The following C11orf71 variants were observed in gnomAD, a reference collection of about 807,000 sequenced individuals.
The protein encoded by C11orf71 is chromosome 11 open reading frame 71, also known as uncharacterized protein C11orf71.
For missense variants in C11orf71, 179 were observed against 167.6 expected, an observed-to-expected ratio of 1.07 and a Z score of -0.38; for synonymous variants, 72 against 73.4, an observed-to-expected ratio of 0.98 and a Z score of 0.09.
chr11:114,394,262 CTTTTCT>C (rs1565256674), downstream of C11orf71, among the ~76,000 whole-genome samples: 168 of 65,018 alleles, frequency 2.6e-3, no homozygotes, highest in Middle Eastern at 7.0e-3. Context: ...CTTTTCTTTT[CTTTTCT>C]TTTCTTTTCT....
rs775916604 is a variant in C11orf71, at chr11:114,400,381, G to A, written c.-50C>T. 10 of 1,532,060 alleles carry A rather than the reference G, an allele frequency of 6.5e-6. No individual in the cohort carries two copies. Among genetic ancestry groups the A allele is most frequent in the South Asian group, 5.1e-5 (4 of 78,452 alleles). 94.9% of individuals were successfully genotyped at this position (1,532,060 alleles called of 1,614,324 possible). On this transcript the variant is annotated 5_prime_UTR_variant, in exon 1 of 1. Coordinates refer to ENST00000623205, the MANE Select transcript of C11orf71 (RefSeq NM_001271562.2). ...GCGTTACGTCCCTTTGTGAAGGCAG[G>A]CCCTTCGCGGCTCCCCAGATCAGTC... is the stretch of plus-strand genomic sequence containing the variant.
chr11:114,394,219 T>TTTCCTTTCCTTTCC (rs1565256453), downstream of C11orf71, among the ~76,000 whole-genome samples: 6 of 41,130 alleles, frequency 1.5e-4, no homozygotes, highest in Non-Finnish European at 2.7e-4. Context: ...TTTTCTTTTC[T>TTTCCTTTCCTTTCC]TTTCTTTTCT....
downstream of C11orf71, among the ~76,000 whole-genome samples, chr11:114,394,056 T>C (rs541906317): frequency 1.2e-3 from 175 of 152,090 alleles, no homozygotes; most frequent in Non-Finnish European, 2.0e-3. Flanking sequence ...CTAGGCTCCC[T>C]GCAAGCTCCG....
chr11:114,394,272 C>CTTTTCTTTTCTTTTCTTTTCTTTTCTTTT (rs1946109669), downstream of C11orf71, among the ~76,000 whole-genome samples: 1 of 64,570 alleles, frequency 1.5e-5, no homozygotes, highest in East Asian at 5.3e-4. Flanking sequence ...CTTTTCTTTT[C>CTTTTCTTTTCTTTTCTTTTCTTTTCTTTT]TTTTCTTTTC....
intron 1 of C11orf71, among the ~76,000 whole-genome samples, chr11:114,392,937 A>G (rs1252738899): frequency 6.6e-6 from 1 of 152,212 alleles, no homozygotes; most frequent in East Asian, 1.9e-4. Context: ...TTCTCTGCAA[A>G]CTAAGGCCTG....
downstream of C11orf71, chr11:114,398,474 C>A (rs544039978): frequency 9.2e-5 from 14 of 152,248 alleles, 1 homozygote; most frequent in South Asian, 2.5e-3. Context: ...GTAGAGTACC[C>A]CTCTTATGGG....
In C11orf71 at chr11:114,399,519, CTGTT is replaced by C. The variant is rs141926729; in HGVS notation, c.*437_*440del. On this transcript the variant is annotated 3_prime_UTR_variant, in exon 1 of 1. Transcript: ENST00000623205. ...TTTTTAGTGCGACTGAGATTGGAGT[CTGTT>C]TGTAGACATATCTGAAAAAAGTGAA... 2,736 of 156,668 alleles carry C rather than the reference CTGTT, an allele frequency of 0.017. 58 individuals carry two copies. The highest frequency in any genetic ancestry group is 0.06 in the African/African-American group (2,520 of 41,700). 9.7% of individuals were successfully genotyped at this position (156,668 alleles called of 1,614,324 possible). A position where few individuals can be genotyped will look rare whatever the true frequency, so the allele number is the denominator to read the frequency against.
Position 114,400,211 on chromosome 11 carries a change from A to G in C11orf71, c.121T>C (p.Phe41Leu). 6.2e-7 allele frequency: 1 copy of G among 1,613,156 alleles called. No homozygotes were observed. The highest frequency in any genetic ancestry group is 1.3e-5 in the African/African-American group (1 of 75,042). Residue 41 changes from phenylalanine to leucine, a missense_variant, in exon 1 of 1, where the codon TTC (phenylalanine) becomes CTC (leucine). Transcript: ENST00000623205. Reference sequence around the variant, plus strand: ...ATCGCTTCAGGCCTGGAAACGAGGAAGCCGTCTCCGGAGACCATCGCCAAC... The same window carrying G: ...ATCGCTTCAGGCCTGGAAACGAGGAGGCCGTCTCCGGAGACCATCGCCAAC... The part of the protein sequence containing the change: ...SALAMVSGDG[F>L]LVSRPEAIHL...
downstream of C11orf71, among the ~76,000 whole-genome samples, chr11:114,394,043 G>A (rs1033672398): frequency 4.6e-5 from 7 of 151,760 alleles, no homozygotes; most frequent in African/African-American, 9.7e-5. Context: ...GCAGTGGTGC[G>A]ATCTAGGCTC....
chr11:114,391,667 T>C lies in C11orf71; in HGVS notation c.344-2A>G. The stretch of plus-strand genomic sequence containing the variant: ...ATAGCTTCAGGGTCCAGGTAGTAAC[T>C]AAAATACACAAAATGGATGAGTATA... On this transcript the variant is annotated splice_acceptor_variant, in intron 1 of 1. Coordinates refer to the C11orf71 transcript ENST00000325636. LOFTEE classifies it high-confidence loss of function. The C allele has an allele frequency of 7.4e-7, 1 of 1,356,966 alleles. No homozygotes were observed. The highest frequency in any genetic ancestry group is 1.0e-6 in the Non-Finnish European group (1 of 985,538). 84.1% of individuals were successfully genotyped at this position (1,356,966 alleles called of 1,614,324 possible). A position where few individuals can be genotyped will look rare whatever the true frequency, so the allele number is the denominator to read the frequency against.
chr11:114,394,274 T>TTTC (rs748273105), downstream of C11orf71, among the ~76,000 whole-genome samples: 8 of 79,374 alleles, frequency 1.0e-4, no homozygotes, highest in East Asian at 4.6e-4. Context: ...TTTCTTTTCT[T>TTTC]TTCTTTTCTT....
Position 114,400,389 on chromosome 11 carries a change from C to T in C11orf71, c.-58G>A, listed in dbSNP as rs369811614. The T allele has an allele frequency of 3.6e-5, 55 of 1,525,424 alleles. No homozygotes were observed. The African/African-American group carries it at 6.4e-4, about 18-fold the overall frequency. 94.5% of individuals were successfully genotyped at this position (1,525,424 alleles called of 1,614,324 possible). The stretch of plus-strand genomic sequence containing the variant: ...TCCCTTTGTGAAGGCAGGCCCTTCG[C>T]GGCTCCCCAGATCAGTCCAGCCTGT... On this transcript the variant is annotated 5_prime_UTR_variant, in exon 1 of 1. Coordinates refer to ENST00000623205, the MANE Select transcript of C11orf71 (RefSeq NM_001271562.2).
In C11orf71 at chr11:114,400,044, G is replaced by A. The variant is rs539646607; in HGVS notation, c.288C>T (p.Ala96=). The change falls in exon 1 of 1, where the codon GCC becomes GCT. Residue 96 remains alanine (A), a synonymous_variant. Transcript: ENST00000623205. ...QARFSPYPIP[A]VEPDLLRSVL... ...CACTTCTTAGGAGATCGGGTTCAAC[G>A]GCAGGGATTGGGTAAGGTGAGAATC... The A allele has an allele frequency of 6.8e-6, 11 of 1,614,036 alleles. No individual in the cohort carries two copies. Among genetic ancestry groups the A allele is most frequent in the South Asian group, 5.5e-5 (5 of 91,084 alleles).
downstream of C11orf71, among the ~76,000 whole-genome samples, chr11:114,394,978 GC>G (rs920784627): frequency 6.7e-6 from 1 of 150,270 alleles, no homozygotes; most frequent in African/African-American, 2.5e-5. Flanking sequence ...TACAATTTAT[GC>G]CCTTGCCTTC....
chr11:114,394,209 TTTTC>T, downstream of C11orf71, among the ~76,000 whole-genome samples: 2 of 44,416 alleles, frequency 4.5e-5, 1 homozygote, highest in South Asian at 1.4e-3. Flanking sequence ...TTTTCTTTTC[TTTTC>T]TTTTCTTTTC....
chr11:114,392,547 A>AAAAAAAG (rs1555023952), intron 1 of C11orf71, among the ~76,000 whole-genome samples: 13 of 145,106 alleles, frequency 9.0e-5, no homozygotes, highest in East Asian at 4.2e-4. Flanking sequence ...AAAAAAAAAA[A>AAAAAAAG]AAAGAAGAAG....
At chr11:114,395,594 C>T (rs894780195), downstream of C11orf71, among the ~76,000 whole-genome samples, 1 of 152,144 alleles carries the variant, frequency 6.6e-6, no homozygotes, top group Admixed American at 6.5e-5. Context: ...AGTAGGGCAG[C>T]CTTCAGATAT....
At chr11:114,394,265 T>G (rs200028299), downstream of C11orf71, among the ~76,000 whole-genome samples, 1 of 60,412 alleles carries the variant, frequency 1.7e-5, no homozygotes, top group East Asian at 8.6e-4. Flanking sequence ...TTCTTTTCTT[T>G]TCTTTTCTTT....
downstream of C11orf71, among the ~76,000 whole-genome samples, chr11:114,394,717 C>CT (rs1008868900): frequency 3.3e-5 from 5 of 151,906 alleles, no homozygotes; most frequent in Non-Finnish European, 7.4e-5. Flanking sequence ...CAGGTATTGA[C>CT]TTTTTTTAAT....
Sources: gnomAD v4.1 joint callset for allele counts (sites outside exome capture counted in the v4.1 genomes callset) on GRCh38, gnomAD v4.1.1 for gene constraint, MANE v1.5 for transcripts, NCBI Gene and HGNC (gene_info 2026-07-23, HGNC 2026-07-21) for gene names.